The following PHLDB2 variants were observed in gnomAD, a reference collection of about 807,000 sequenced individuals.
PHLDB2 encodes pleckstrin homology-like domain family B member 2.
A neutral mutation model predicts 123.6 loss-of-function variants in PHLDB2; 71 were observed. The observed-to-expected ratio is 0.57, with a 90% CI of 0.47 to 0.70. The LOEUF is 0.70. Ranked by LOEUF, PHLDB2 falls within the 30% of genes least tolerant of loss-of-function variation. The pLI is 0.00. For missense variants in PHLDB2, 1,446 were observed against 1,519.5 expected (o/e 0.95, Z 0.80); for synonymous variants, 547 against 541.6 (o/e 1.01, Z -0.14).
At chr3:111,827,156 T>C (rs1222903723) in intron 1 of PHLDB2, among the ~76,000 whole-genome samples, 2 of 152,246 alleles carry the variant, frequency 1.3e-5, no homozygotes, top group East Asian at 1.9e-4. Context: ...CCTGTTCAAA[T>C]TGATCCTCCA....
intron 1 of PHLDB2, among the ~76,000 whole-genome samples, chr3:111,828,957 C>A (rs1200938377): frequency 1.3e-5 from 2 of 152,132 alleles, no homozygotes; most frequent in East Asian, 3.8e-4. Flanking sequence ...ACCAGCCAAA[C>A]CTACTGGATC....
At position 111,921,889 on chromosome 3, in the gene PHLDB2, G is replaced by A. The variant is rs569428564; in HGVS notation, c.2001+1470G>A. Among the ~76,000 whole-genome samples, 190 of 152,214 alleles carry A rather than the reference G, an allele frequency of 1.2e-3. 2 individuals are homozygous for A. Among genetic ancestry groups the A allele is most frequent in the Non-Finnish European group, 7.1e-4 (48 of 68,008 alleles). On this transcript the variant is annotated intron_variant, in intron 5 of 17. Coordinates refer to ENST00000431670, the MANE Select transcript of PHLDB2 (RefSeq NM_001134438.2). ...AGTGCTGGGATTACAGGCGTGAGCC[G>A]CCGCGCCCGGCCCAAACTTTTAAGT...
At chr3:111,760,311 G>T (rs973397038) in intron 1 of PHLDB2, among the ~76,000 whole-genome samples, 7 of 152,298 alleles carry the variant, frequency 4.6e-5, no homozygotes, top group African/African-American at 1.7e-4. Flanking sequence ...TACGTGGACT[G>T]TAAGATGGAA....
intron 1 of PHLDB2, among the ~76,000 whole-genome samples, chr3:111,881,464 G>A (rs1293882039): frequency 1.3e-5 from 2 of 152,162 alleles, no homozygotes; most frequent in Non-Finnish European, 2.9e-5. Flanking sequence ...GAGATGAACT[G>A]CTCATGCAGA....
intron 2 of PHLDB2, among the ~76,000 whole-genome samples, chr3:111,851,588 G>A (rs11711475): frequency 0.58 from 87,509 of 151,922 alleles, 26,148 homozygotes; most frequent in Middle Eastern, 0.77. Context: ...AGTAGAGTGC[G>A]GCTTTATTAA....
At chr3:111,856,644 A>C (rs1239118497), upstream of PHLDB2, among the ~76,000 whole-genome samples, 1 of 152,248 alleles carries the variant, frequency 6.6e-6, no homozygotes, top group Non-Finnish European at 1.5e-5. Context: ...GGTTGTCTCT[A>C]AGATGTCTGT....
intron 1 of PHLDB2, among the ~76,000 whole-genome samples, chr3:111,800,387 G>A (rs1200357006): frequency 6.6e-6 from 1 of 152,046 alleles, no homozygotes; most frequent in Admixed American, 6.5e-5. Context: ...TACCCTCTGT[G>A]CCTTTTGATT....
chr3:111,974,276 A>C (rs567402708), intron 17 of PHLDB2, 147 bp from the exon 18 acceptor site: 13 of 646,812 alleles, frequency 2.0e-5, no homozygotes, highest in African/African-American at 3.8e-5. Context: ...GCTCTGGGAC[A>C]GGTGTGTGAG....
chr3:111,834,055 A>ATT (rs796992166), intron 1 of PHLDB2, among the ~76,000 whole-genome samples: 931 of 15,110 alleles, frequency 0.062, 190 homozygotes, highest in South Asian at 0.14. Flanking sequence ...AATTATATAT[A>ATT]ATATATGTAA....
chr3:111,831,946 G>A (rs2063056806), intron 1 of PHLDB2, among the ~76,000 whole-genome samples: 1 of 152,142 alleles, frequency 6.6e-6, no homozygotes, highest in Non-Finnish European at 1.5e-5. Context: ...ACAAGGCTGT[G>A]TCAGAGAGAG....
At chr3:111,770,444 G>A (rs1193045394) in intron 1 of PHLDB2, among the ~76,000 whole-genome samples, 2 of 152,128 alleles carry the variant, frequency 1.3e-5, no homozygotes, top group South Asian at 2.1e-4. Flanking sequence ...TGTTAAGTGG[G>A]CTAGCCTCTG....
intron 1 of PHLDB2, among the ~76,000 whole-genome samples, chr3:111,756,200 G>T (rs1236621393): frequency 6.6e-6 from 1 of 151,770 alleles, no homozygotes; most frequent in Non-Finnish European, 1.5e-5. Context: ...TTCAATTCCT[G>T]GGTATCCTTG....
chr3:111,753,492 G>C (rs1461255419), intron 1 of PHLDB2, among the ~76,000 whole-genome samples: 3 of 149,252 alleles, frequency 2.0e-5, no homozygotes, highest in East Asian at 3.9e-4. Flanking sequence ...TTTTTGATGG[G>C]GTTGTTTGTT....
intron 2 of PHLDB2, among the ~76,000 whole-genome samples, chr3:111,851,159 C>A (rs1343832832): frequency 7.1e-6 from 1 of 140,962 alleles, no homozygotes; most frequent in African/African-American, 2.7e-5. Context: ...CACGCCACTG[C>A]ACTCCAGCCT....
At position 111,962,319 on chromosome 3, in the gene PHLDB2, T is replaced by A. The variant is rs763496955; in HGVS notation, c.3077+7T>A. On this transcript the variant is annotated splice_region_variant and intron_variant, in intron 13 of 17. Transcript: ENST00000431670. ...CACCAGACAACATCTCTAGGTAAGA[T>A]TTATTTATGGGTAAGGTTTCTGGTT... 5 of 1,589,290 alleles carry A rather than the reference T, an allele frequency of 3.1e-6. No homozygotes were observed. The South Asian group carries it at 5.9e-5, about 19-fold the overall frequency.
Position 111,973,827 on chromosome 3 carries a change from A to C in PHLDB2, c.3621+10A>C. On this transcript the variant is annotated intron_variant, in intron 17 of 17. Coordinates refer to ENST00000431670, the MANE Select transcript of PHLDB2 (RefSeq NM_001134438.2). Reference sequence around the variant, plus strand: ...CAAGAATGCTAATAAGGTAAACATCAGTTTTCTAAATTCCTACAATTTGAA... The same window carrying C: ...CAAGAATGCTAATAAGGTAAACATCCGTTTTCTAAATTCCTACAATTTGAA... 1 of 1,511,602 alleles carries C rather than the reference A, an allele frequency of 6.6e-7. No homozygotes were observed. The highest frequency in any genetic ancestry group is 2.3e-5 in the East Asian group (1 of 44,042). The allele number at this position is 1,511,602 out of a possible 1,614,324, so 93.6% of individuals were successfully genotyped here. A position where few individuals can be genotyped will look rare whatever the true frequency, so the allele number is the denominator to read the frequency against.
chr3:111,903,090 A>C (rs768194276), intron 2 of PHLDB2, among the ~76,000 whole-genome samples: 2 of 152,180 alleles, frequency 1.3e-5, no homozygotes, highest in Non-Finnish European at 2.9e-5. Flanking sequence ...GGTTCATGAG[A>C]TAAGATTAAA....
At chr3:111,915,192 A>T (rs1316163881) in intron 3 of PHLDB2, 1 of 152,210 alleles carries the variant, frequency 6.6e-6, no homozygotes, top group Non-Finnish European at 1.5e-5. Context: ...ATCTTTTGTT[A>T]TAAGAGAAGG....
chr3:111,919,032 T>G (rs1559903073), intron 3 of PHLDB2, 40 bp from the exon 4 acceptor site: 1 of 1,603,414 alleles, frequency 6.2e-7, no homozygotes, highest in Admixed American at 1.7e-5. Flanking sequence ...ATTCTAGAAC[T>G]GAGGTGTGAA....
Sources: gnomAD v4.1 joint callset for allele counts (sites outside exome capture counted in the v4.1 genomes callset) on GRCh38, gnomAD v4.1.1 for gene constraint, MANE v1.5 for transcripts, NCBI Gene and HGNC (gene_info 2026-07-23, HGNC 2026-07-21) for gene names.